The following XKR4 variants were observed in gnomAD, a reference collection of about 807,000 sequenced individuals.
The protein encoded by XKR4 is XK related 4.
A neutral mutation model predicts 53.9 loss-of-function variants in XKR4; 12 were observed. The observed-to-expected ratio is 0.22, with a 90% CI of 0.14 to 0.36. The LOEUF is 0.36. Among genes scored for constraint, XKR4 ranks in the 10% least tolerant of loss-of-function variants. XKR4 has a pLI of 1.00. For missense variants in XKR4, 799 were observed against 859.5 expected (o/e 0.93, Z 0.88); for synonymous variants, 354 against 362.4 (o/e 0.98, Z 0.26).
At chr8:55,384,874 G>A (rs180709159) in intron 2 of XKR4, among the ~76,000 whole-genome samples, 1 of 152,080 alleles carries the variant, frequency 6.6e-6, no homozygotes, top group Non-Finnish European at 1.5e-5. Context: ...AATATTTTTG[G>A]CACCCAAAAC....
In XKR4 at chr8:55,273,142, C is replaced by CTGTGTGTGTGTG. The variant is rs5891567; in HGVS notation, c.807-84506_807-84495dup. Among the ~76,000 whole-genome samples the CTGTGTGTGTGTG allele has an allele frequency of 4.0e-4, 59 of 147,556 alleles. 1 individual carries two copies. The highest frequency in any genetic ancestry group is 1.4e-3 in the African/African-American group (57 of 39,620). On this transcript the variant is annotated intron_variant, in intron 1 of 2. Coordinates refer to ENST00000327381, the MANE Select transcript of XKR4 (RefSeq NM_052898.2). ...ATAATGTAGTTTGGAGAAAAGAGGACTGTGTGTGTGTGTGTGTGTGTGTGT... is the reference window on the plus strand; with the variant it reads ...ATAATGTAGTTTGGAGAAAAGAGGACTGTGTGTGTGTGTGTGTGTGTGTGTGTGTGTGTGTGT...
chr8:55,495,529 C>T (rs57302523), intron 2 of XKR4, among the ~76,000 whole-genome samples: 8,660 of 152,254 alleles, frequency 0.057, 655 homozygotes, highest in East Asian at 0.28. Context: ...CACATTGGCA[C>T]GCAGCTCAGC....
At chr8:55,375,347 C>T (rs1442747358) in intron 2 of XKR4, among the ~76,000 whole-genome samples, 9 of 152,198 alleles carry the variant, frequency 5.9e-5, no homozygotes, top group East Asian at 1.9e-4. Context: ...AGGGGAAGAG[C>T]GCCCTCAGCC....
intron 2 of XKR4, among the ~76,000 whole-genome samples, chr8:55,395,051 TATA>T (rs1804494078): frequency 6.6e-6 from 1 of 152,152 alleles, no homozygotes; most frequent in Non-Finnish European, 1.5e-5. Context: ...GTGCTATAAT[TATA>T]ATGCCTGGGA....
chr8:55,134,863 T>A (rs1816602455), intron 1 of XKR4, among the ~76,000 whole-genome samples: 1 of 152,332 alleles, frequency 6.6e-6, no homozygotes, highest in Non-Finnish European at 1.5e-5. Context: ...TGTCATTTAA[T>A]TCTCGCAACC....
In XKR4 at chr8:55,348,175, T is replaced by C. The variant is rs143259870; in HGVS notation, c.807-9503T>C. Among the ~76,000 whole-genome samples the C allele has an allele frequency of 2.0e-3, 304 of 152,238 alleles. 2 individuals carry two copies. Among genetic ancestry groups the C allele is most frequent in the African/African-American group, 6.9e-3 (285 of 41,546 alleles). On this transcript the variant is annotated intron_variant, in intron 1 of 2. Transcript: ENST00000327381. ...CAATGTGACAAAACACCATGCCGGA[T>C]AACATGCCTAGAGAAAATGACAAGG...
intron 2 of XKR4, among the ~76,000 whole-genome samples, chr8:55,410,344 C>T (rs1346052801): frequency 6.6e-6 from 1 of 152,194 alleles, no homozygotes; most frequent in Non-Finnish European, 1.5e-5. Context: ...GACTGCAGCC[C>T]TGATCTCTCC....
chr8:55,479,462 T>C (rs979395538), intron 2 of XKR4, among the ~76,000 whole-genome samples: 2 of 151,606 alleles, frequency 1.3e-5, no homozygotes, highest in Non-Finnish European at 2.9e-5. Context: ...GATCCAAAAT[T>C]GACACCCTAA....
At chr8:55,118,288 A>T (rs1490231578) in intron 1 of XKR4, among the ~76,000 whole-genome samples, 3 of 152,226 alleles carry the variant, frequency 2.0e-5, no homozygotes, top group African/African-American at 7.2e-5. Context: ...TTCCATTCCC[A>T]TGTGAATAGT....
chr8:55,451,466 G>A lies in XKR4; in HGVS notation c.1007-71815G>A. On this transcript the variant is annotated intron_variant, in intron 2 of 2. Coordinates refer to ENST00000327381, the MANE Select transcript of XKR4 (RefSeq NM_052898.2). ...GCCTGCAGGTACTTCTCCTGCTCCA[G>A]GCTACTCGAGTCTGCCTGGAACTGG... 4.0e-6 allele frequency: 5 copies of A among 1,247,052 alleles called. 1 individual carries two copies. The highest frequency in any genetic ancestry group is 3.9e-5 in the South Asian group (3 of 76,530). 77.2% of individuals were successfully genotyped at this position (1,247,052 alleles called of 1,614,324 possible).
chr8:55,172,015 A>C (rs899524033), intron 1 of XKR4, among the ~76,000 whole-genome samples: 11 of 152,092 alleles, frequency 7.2e-5, no homozygotes, highest in Admixed American at 6.5e-5. Context: ...GGAGTTTGAG[A>C]CCAGCCTGGC....
At chr8:55,401,956 G>A (rs1389809382) in intron 2 of XKR4, among the ~76,000 whole-genome samples, 3 of 152,140 alleles carry the variant, frequency 2.0e-5, no homozygotes, top group African/African-American at 4.8e-5. Flanking sequence ...ACTACTTTAT[G>A]TAAAATAACT....
chr8:55,393,756 T>C (rs1044802728), intron 2 of XKR4, among the ~76,000 whole-genome samples: 1 of 152,112 alleles, frequency 6.6e-6, no homozygotes, highest in Non-Finnish European at 1.5e-5. Flanking sequence ...AGAAGTTGAG[T>C]TGGTAATAAT....
intron 1 of XKR4, among the ~76,000 whole-genome samples, chr8:55,295,359 A>G (rs755529324): frequency 1.4e-4 from 22 of 152,224 alleles, no homozygotes; most frequent in Non-Finnish European, 2.2e-4. Context: ...ATAGATTCTG[A>G]TGCTTGTACT....
At chr8:55,267,241 G>A (rs796777665) in intron 1 of XKR4, among the ~76,000 whole-genome samples, 1 of 152,142 alleles carries the variant, frequency 6.6e-6, no homozygotes, top group South Asian at 2.1e-4. Context: ...AAACCTATGG[G>A]TTACTATATG....
chr8:55,249,728 G>T (rs1818339410), intron 1 of XKR4, among the ~76,000 whole-genome samples: 1 of 152,172 alleles, frequency 6.6e-6, no homozygotes, highest in African/African-American at 2.4e-5. Context: ...TTTTCAATAA[G>T]CCAATGAGGT....
At chr8:55,220,714 C>T (rs1178563347) in intron 1 of XKR4, among the ~76,000 whole-genome samples, 2 of 152,236 alleles carry the variant, frequency 1.3e-5, no homozygotes, top group East Asian at 3.8e-4. Context: ...CTAGGTCTTA[C>T]TGTCTCCTTT....
intron 2 of XKR4, chr8:55,452,193 T>A: frequency 2.8e-6 from 2 of 713,554 alleles, no homozygotes; most frequent in Non-Finnish European, 4.8e-6. Flanking sequence ...AGACCCCACC[T>A]CCTCATCAAA....
intron 2 of XKR4, among the ~76,000 whole-genome samples, chr8:55,496,274 T>C (rs563344959): frequency 6.6e-5 from 10 of 152,324 alleles, no homozygotes; most frequent in Non-Finnish European, 1.5e-4. Context: ...GTCAACAGAA[T>C]CATTGTCTCT....
Sources: gnomAD v4.1 joint callset for allele counts (sites outside exome capture counted in the v4.1 genomes callset) on GRCh38, gnomAD v4.1.1 for gene constraint, MANE v1.5 for transcripts, NCBI Gene and HGNC (gene_info 2026-07-23, HGNC 2026-07-21) for gene names.